VWC2L: variants seen among roughly 807,000 people sequenced by gnomAD.
VWC2L encodes von Willebrand factor C domain containing 2 like, also known as von Willebrand factor C domain-containing protein 2-like.
VWC2L carries 10 observed loss-of-function variants against 21.6 expected under a neutral mutation model. That is an observed-to-expected ratio of 0.46 (90% confidence interval 0.29 to 0.78). The LOEUF (loss-of-function observed/expected upper bound fraction) is 0.78, where lower values mean the gene tolerates loss of function less well. Ranked by LOEUF, VWC2L falls within the 30% of genes least tolerant of loss-of-function variation. The probability of loss-of-function intolerance (pLI) is 0.10; values close to 1 mark genes in which losing one functional copy is unlikely to be tolerated. For missense variants in VWC2L, 209 were observed against 277.1 expected, an observed-to-expected ratio of 0.75 and a Z score of 1.74; for synonymous variants, 96 against 94.3, an observed-to-expected ratio of 1.02 and a Z score of -0.10.
chr2:214,488,468 G>T (rs577664116), intron 3 of VWC2L, among the ~76,000 whole-genome samples: 1 of 152,104 alleles, frequency 6.6e-6, no homozygotes, highest in Non-Finnish European at 1.5e-5. Flanking sequence ...CCGTAGTGGT[G>T]TACACATGTA....
intron 2 of VWC2L, among the ~76,000 whole-genome samples, chr2:214,417,520 C>T (rs2126170027): frequency 6.6e-6 from 1 of 152,198 alleles, no homozygotes; most frequent in South Asian, 2.1e-4. Flanking sequence ...TCAAGAAGTA[C>T]TTGAAATTGA....
At chr2:214,437,781 TA>T (rs1226679353) in intron 3 of VWC2L, among the ~76,000 whole-genome samples, 2 of 152,162 alleles carry the variant, frequency 1.3e-5, no homozygotes, top group East Asian at 1.9e-4. Flanking sequence ...TTATAAAAGA[TA>T]AAAAAATATT....
chr2:214,435,853 A>T (rs1270981363), intron 2 of VWC2L, among the ~76,000 whole-genome samples: 1 of 152,184 alleles, frequency 6.6e-6, no homozygotes, highest in Non-Finnish European at 1.5e-5. Flanking sequence ...AGTTTCTAGA[A>T]AGGAAATAGA....
chr2:214,481,119 CCTT>C (rs1420093552), intron 3 of VWC2L, among the ~76,000 whole-genome samples: 1 of 152,166 alleles, frequency 6.6e-6, no homozygotes, highest in Non-Finnish European at 1.5e-5. Context: ...ACACCAATGT[CCTT>C]CTCTGTCTAC....
chr2:214,524,606 G>A (rs1014798249), intron 3 of VWC2L, among the ~76,000 whole-genome samples: 1 of 151,992 alleles, frequency 6.6e-6, no homozygotes, highest in African/African-American at 2.4e-5. Context: ...GCCAGGCGCT[G>A]TTTTAGGTGC....
rs1690240823 is a variant in VWC2L, at chr2:214,577,028, T to C, written c.*1208T>C. 6.6e-6 allele frequency: 1 copy of C among 152,152 alleles called. No homozygotes were observed. Among genetic ancestry groups the C allele is most frequent in the Admixed American group, 6.6e-5 (1 of 15,262 alleles). The allele number at this position is 152,152 out of a possible 1,614,324, so 9.4% of individuals were successfully genotyped here. A position where few individuals can be genotyped will look rare whatever the true frequency, so the allele number is the denominator to read the frequency against. On this transcript the variant is annotated 3_prime_UTR_variant, in exon 4 of 4. Coordinates refer to ENST00000312504, the MANE Select transcript of VWC2L (RefSeq NM_001080500.4). ...CCTTTGAAGAGTCTCTAGGTTGCCC[T>C]GGTAATGCTGCTAGTATAGTAACAG...
intron 3 of VWC2L, among the ~76,000 whole-genome samples, chr2:214,484,082 T>A (rs543600461): frequency 1.8e-4 from 28 of 152,312 alleles, no homozygotes; most frequent in African/African-American, 5.5e-4. Flanking sequence ...CTCCAATCTC[T>A]GCCTGCATCT....
chr2:214,512,097 G>A (rs780956020), intron 3 of VWC2L, among the ~76,000 whole-genome samples: 2 of 151,768 alleles, frequency 1.3e-5, no homozygotes, highest in African/African-American at 4.8e-5. Context: ...TTATAGTCTT[G>A]ATATCACTTG....
intron 3 of VWC2L, among the ~76,000 whole-genome samples, chr2:214,468,957 T>C (rs571826396): frequency 6.6e-6 from 1 of 152,362 alleles, no homozygotes; most frequent in African/African-American, 2.4e-5. Context: ...GACTTAAATA[T>C]ATTACTAAAA....
chr2:214,563,577 A>AAAAAAAAAAAAAAG (rs1690012764), intron 3 of VWC2L, among the ~76,000 whole-genome samples: 1 of 117,830 alleles, frequency 8.5e-6, no homozygotes, highest in South Asian at 3.0e-4. Context: ...AAAAAAAAAA[A>AAAAAAAAAAAAAAG]AAAATCAAGT....
At chr2:214,521,203 C>G (rs945006693) in intron 3 of VWC2L, among the ~76,000 whole-genome samples, 2 of 149,578 alleles carry the variant, frequency 1.3e-5, no homozygotes, top group Non-Finnish European at 3.0e-5. Context: ...CCAGCCTGGA[C>G]GACAGAGGGA....
intron 3 of VWC2L, among the ~76,000 whole-genome samples, chr2:214,470,744 A>G (rs1451626886): frequency 6.6e-6 from 1 of 151,818 alleles, no homozygotes; most frequent in African/African-American, 2.4e-5. Context: ...CCCCATCTCT[A>G]CTAAAAAAAA....
intron 3 of VWC2L, among the ~76,000 whole-genome samples, chr2:214,440,667 TG>T (rs1428543157): frequency 6.6e-6 from 1 of 152,158 alleles, no homozygotes; most frequent in Non-Finnish European, 1.5e-5. Flanking sequence ...CGTTTATTTT[TG>T]TATGTGAATT....
chr2:214,502,774 C>A (rs11691896), intron 3 of VWC2L, among the ~76,000 whole-genome samples: 129,140 of 152,120 alleles, frequency 0.85, 58,221 homozygotes, highest in South Asian at 1. Context: ...TTGTGAAAGT[C>A]ATTCCTGCTT....
chr2:214,531,094 T>C (rs1235151941), intron 3 of VWC2L, among the ~76,000 whole-genome samples: 1 of 152,166 alleles, frequency 6.6e-6, no homozygotes, highest in Non-Finnish European at 1.5e-5. Context: ...TCTTGCTACT[T>C]GCCTGTAGAC....
At chr2:214,443,544 T>A (rs1446858358) in intron 3 of VWC2L, among the ~76,000 whole-genome samples, 1 of 152,190 alleles carries the variant, frequency 6.6e-6, no homozygotes, top group Non-Finnish European at 1.5e-5. Flanking sequence ...AGGAACCCCG[T>A]TAGTATAATT....
intron 3 of VWC2L, among the ~76,000 whole-genome samples, chr2:214,557,962 T>C (rs1668797946): frequency 6.6e-6 from 1 of 152,218 alleles, no homozygotes; most frequent in African/African-American, 2.4e-5. Context: ...GAACTCTTTT[T>C]ATTTCTGCAG....
chr2:214,567,461 A>G (rs1690079278), intron 3 of VWC2L, among the ~76,000 whole-genome samples: 1 of 151,944 alleles, frequency 6.6e-6, no homozygotes, highest in African/African-American at 2.4e-5. Flanking sequence ...GATTGAATAG[A>G]GCTACTCGAG....
chr2:214,558,875 A>AT (rs914931026), intron 3 of VWC2L, among the ~76,000 whole-genome samples: 21 of 151,042 alleles, frequency 1.4e-4, no homozygotes, highest in Admixed American at 5.9e-4. Flanking sequence ...TTTTTTTTAA[A>AT]TTTTTTTTAT....
Sources: allele counts gnomAD v4.1 joint callset (sites outside exome capture counted in the v4.1 genomes callset), GRCh38; gene constraint gnomAD v4.1.1; transcripts MANE v1.5; gene names NCBI Gene and HGNC (gene_info 2026-07-23, HGNC 2026-07-21).